The following MPP4 variants were observed in gnomAD, a reference collection of about 807,000 sequenced individuals.
MPP4 encodes MAGUK p55 scaffold protein 4.
In MPP4, 91 loss-of-function variants were observed where a neutral mutation model predicts 98.3. The ratio of observed to expected loss-of-function variants is 0.93; its 90% CI spans 0.78 to 1.10. MPP4 has a LOEUF of 1.10. Ranked by LOEUF, MPP4 falls within the 50% of genes least tolerant of loss-of-function variation. The pLI is 0.00. For synonymous variants in MPP4, 261 were observed against 271.8 expected, an observed-to-expected ratio of 0.96 and a Z score of 0.39; for missense variants, 744 against 792.9, an observed-to-expected ratio of 0.94 and a Z score of 0.74.
chr2:201,680,575 C>G (rs1057171211), intron 10 of MPP4: 5 of 393,916 alleles, frequency 1.3e-5, no homozygotes, highest in East Asian at 4.4e-5. Context: ...CACAAACATT[C>G]AGGCCATAGC....
At position 201,645,125 on chromosome 2, in the gene MPP4, G is replaced by T. The variant is rs1275806485; in HGVS notation, c.*85C>A. On this transcript the variant is annotated 3_prime_UTR_variant, in exon 22 of 22. Transcript: ENST00000409474. Reference sequence around the variant, plus strand: ...TTTTAAAGTTGTACACATTAAAATGGGTCAAATACTGTTGTTTTAGATTGC... The same window carrying T: ...TTTTAAAGTTGTACACATTAAAATGTGTCAAATACTGTTGTTTTAGATTGC... 7 of 1,198,498 alleles carry T rather than the reference G, an allele frequency of 5.8e-6. No individual in the cohort carries two copies. The highest frequency in any genetic ancestry group is 2.6e-5 in the East Asian group (1 of 38,962). 74.2% of individuals were successfully genotyped at this position (1,198,498 alleles called of 1,614,324 possible).
In MPP4 at chr2:201,654,839, G is replaced by A. The variant is rs745508809; in HGVS notation, c.1379C>T (p.Pro460Leu). 33 of 1,598,192 alleles carry A rather than the reference G, an allele frequency of 2.1e-5. No homozygotes were observed. Among genetic ancestry groups the A allele is most frequent in the Non-Finnish European group, 2.2e-5 (26 of 1,171,930 alleles). Residue 460 changes from proline to leucine, a missense_variant and splice_region_variant, in exon 18 of 22, where the codon CCA becomes CTA. Pro to Leu is a moderately conservative substitution (Grantham distance 98, BLOSUM62 -3). Coordinates refer to ENST00000409474, the MANE Select transcript of MPP4 (RefSeq NM_033066.3). ...FNPSHFQSAV[P>L]HTTRTKKSYE... ...TATGAAAGCAGAACTAAACATACGTGGCACAGCACTTTGAAAATGGCTGGG... is the reference window on the plus strand; with the variant it reads ...TATGAAAGCAGAACTAAACATACGTAGCACAGCACTTTGAAAATGGCTGGG...
At chr2:201,693,099 T>C (rs1689085463) in intron 2 of MPP4, 70 bp from the exon 3 acceptor site, 3 of 1,544,652 alleles carry the variant, frequency 1.9e-6, no homozygotes, top group Non-Finnish European at 2.6e-6. Context: ...CTCAGATAGC[T>C]GGGGCATGCC....
At chr2:201,654,939 C>A (rs759020008) in intron 17 of MPP4, 22 bp from the exon 18 acceptor site, 4 of 1,440,192 alleles carry the variant, frequency 2.8e-6, no homozygotes, top group Non-Finnish European at 3.9e-6. Context: ...AAGTCACACA[C>A]AGAAATCATC....
At chr2:201,665,548 A>C (rs556675353) in intron 13 of MPP4, 1 of 152,368 alleles carries the variant, frequency 6.6e-6, no homozygotes, top group Admixed American at 6.5e-5. Flanking sequence ...TAATAAAAAT[A>C]TAATGGAAAT....
intron 14 of MPP4, among the ~76,000 whole-genome samples, chr2:201,663,785 G>C (rs1688089822): frequency 6.6e-6 from 1 of 152,104 alleles, no homozygotes; most frequent in South Asian, 2.1e-4. Context: ...GGAAGGCTGA[G>C]GTGGGAGGAT....
At chr2:201,686,073 T>C in intron 5 of MPP4, 23 bp from the exon 6 acceptor site, 1 of 1,607,542 alleles carries the variant, frequency 6.2e-7, no homozygotes, top group African/African-American at 1.3e-5. Flanking sequence ...AAGGAAAAGG[T>C]GAGCAAATGT....
intron 4 of MPP4, 143 bp downstream of exon 4, chr2:201,690,059 T>C (rs914897980): frequency 5.5e-5 from 28 of 508,268 alleles, no homozygotes; most frequent in African/African-American, 4.4e-4. Context: ...TTCCTTATAT[T>C]AAAGTTCAAT....
chr2:201,650,309 C>T (rs1211879456), intron 18 of MPP4, 144 bp from the exon 19 acceptor site: 32 of 1,411,190 alleles, frequency 2.3e-5, no homozygotes, highest in Non-Finnish European at 2.8e-5. Context: ...AAGAAGAAGC[C>T]TGAATTGGTG....
intron 16 of MPP4, 39 bp downstream of exon 16, chr2:201,658,438 A>G (rs1483574105): frequency 7.6e-6 from 12 of 1,578,742 alleles, no homozygotes; most frequent in South Asian, 4.6e-5. Context: ...ATAATTTAAC[A>G]AGTGACAGAG....
At chr2:201,669,607 A>T in intron 12 of MPP4, 126 bp downstream of exon 12, 1 of 402,724 alleles carries the variant, frequency 2.5e-6, no homozygotes, top group Non-Finnish European at 4.5e-6. Flanking sequence ...AATGACTATC[A>T]CACTACTAGG....
chr2:201,648,047 G>C (rs1190454802), intron 20 of MPP4, among the ~76,000 whole-genome samples: 2 of 151,956 alleles, frequency 1.3e-5, no homozygotes, highest in South Asian at 2.1e-4. Context: ...TTTTGTTTTT[G>C]AGTCTCATTC....
Position 201,645,029 on chromosome 2 carries a change from TA to T in MPP4, c.*180del. On this transcript the variant is annotated 3_prime_UTR_variant, in exon 22 of 22. Transcript: ENST00000409474. ...TGAGGTAAAGGAAAAAAAATTAAGT[TA>T]AAATAGGTAACCACATAACCATACA... 1 of 449,048 alleles carries T rather than the reference TA, an allele frequency of 2.2e-6. No homozygotes were observed. The highest frequency in any genetic ancestry group is 3.7e-6 in the Non-Finnish European group (1 of 271,780). The allele number at this position is 449,048 out of a possible 1,614,324, so 27.8% of individuals were successfully genotyped here. A position where few individuals can be genotyped will look rare whatever the true frequency, so the allele number is the denominator to read the frequency against.
At chr2:201,656,432 C>T in intron 16 of MPP4, 64 bp from the exon 17 acceptor site, 3 of 1,411,550 alleles carry the variant, frequency 2.1e-6, no homozygotes, top group Non-Finnish European at 2.9e-6. Flanking sequence ...AGCTTCACAC[C>T]TGATGAAATA....
chr2:201,679,190 C>T (rs999215076), intron 10 of MPP4, among the ~76,000 whole-genome samples: 33 of 152,130 alleles, frequency 2.2e-4, no homozygotes, highest in African/African-American at 7.7e-4. Context: ...TCATCTCCCT[C>T]CTAAACAGCT....
At chr2:201,651,400 C>G in intron 18 of MPP4, 1 of 985,416 alleles carries the variant, frequency 1.0e-6, no homozygotes, top group Non-Finnish European at 1.2e-6. Flanking sequence ...AACCTTATAG[C>G]TCTCAGGTGA....
chr2:201,647,196 A>G (rs1039450635), intron 21 of MPP4, among the ~76,000 whole-genome samples: 4 of 152,322 alleles, frequency 2.6e-5, no homozygotes, highest in African/African-American at 9.6e-5. Flanking sequence ...TATTATTACC[A>G]TCATCATTTT....
rs989914660 is a variant in MPP4 at position 201,661,481 on chromosome 2, G to C, written c.1073-1135C>G. On this transcript the variant is annotated intron_variant, in intron 14 of 21. Transcript: ENST00000409474. ...CTCCTCAGAGAGCTGGGTTCAGAACGTATCGATGCTTGAGAGTTCTCACTT... is the reference window on the plus strand; with the variant it reads ...CTCCTCAGAGAGCTGGGTTCAGAACCTATCGATGCTTGAGAGTTCTCACTT... The C allele has an allele frequency of 1.3e-5, 6 of 456,478 alleles. No homozygotes were observed. The East Asian group carries it at 2.8e-4, about 21-fold the overall frequency. The allele number at this position is 456,478 out of a possible 1,614,324, so 28.3% of individuals were successfully genotyped here.
intron 18 of MPP4, 122 bp from the exon 19 acceptor site, chr2:201,650,287 G>A: frequency 7.0e-7 from 1 of 1,424,978 alleles, no homozygotes; most frequent in South Asian, 1.5e-5. Flanking sequence ...GAGATAAAAT[G>A]CTAGAACTAA....
Sources: gnomAD v4.1 joint callset for allele counts (sites outside exome capture counted in the v4.1 genomes callset) on GRCh38, gnomAD v4.1.1 for gene constraint, MANE v1.5 for transcripts, NCBI Gene and HGNC (gene_info 2026-07-23, HGNC 2026-07-21) for gene names.